Variants in TAOK3 observed in about 807,000 individuals in gnomAD.
The protein encoded by TAOK3 is TAO kinase 3, also known as serine/threonine-protein kinase TAO3.
A neutral mutation model predicts 120.4 loss-of-function variants in TAOK3; 40 were observed. That is an observed-to-expected ratio of 0.33 (90% CI 0.26 to 0.43). The LOEUF is 0.43. Ranked by LOEUF, TAOK3 falls within the 20% of genes least tolerant of loss-of-function variation. The pLI is 1.00. For missense variants in TAOK3, 821 were observed against 1,112.1 expected, an observed-to-expected ratio of 0.74 and a Z score of 3.72; for synonymous variants, 355 against 387.5, an observed-to-expected ratio of 0.92 and a Z score of 0.99.
intron 1 of TAOK3, among the ~76,000 whole-genome samples, chr12:118,281,185 A>G (rs1166040032): frequency 6.6e-6 from 1 of 152,000 alleles, no homozygotes; most frequent in Non-Finnish European, 1.5e-5. Flanking sequence ...GATACCTTTT[A>G]TTTCTTTCTT....
At chr12:118,162,172 G>A (rs1031369270) in intron 17 of TAOK3, 145 bp from the exon 18 acceptor site, 1 of 1,078,074 alleles carries the variant, frequency 9.3e-7, no homozygotes, top group Non-Finnish European at 1.3e-6. Context: ...AGGACTTAAT[G>A]AGATTAAATT....
chr12:118,247,384 A>G (rs1801004742), intron 3 of TAOK3, among the ~76,000 whole-genome samples: 1 of 152,084 alleles, frequency 6.6e-6, no homozygotes, highest in Admixed American at 6.6e-5. Context: ...TGTCTTCTCC[A>G]TACTCCAAAT....
At chr12:118,199,566 A>T in intron 12 of TAOK3, 1 of 371,424 alleles carries the variant, frequency 2.7e-6, no homozygotes, top group Non-Finnish European at 5.1e-6. Flanking sequence ...AAGCAAAATC[A>T]AGCCAGGTTT....
chr12:118,298,456 T>C (rs890962884), intron 1 of TAOK3, among the ~76,000 whole-genome samples: 6 of 152,216 alleles, frequency 3.9e-5, no homozygotes, highest in African/African-American at 1.4e-4. Flanking sequence ...CAGTAAGTGT[T>C]ATATTGTCAA....
intron 14 of TAOK3, among the ~76,000 whole-genome samples, chr12:118,183,645 C>T (rs1204577488): frequency 1.3e-5 from 2 of 151,954 alleles, no homozygotes; most frequent in Non-Finnish European, 2.9e-5. Flanking sequence ...TTCTGAAGTA[C>T]AACTTTAAGG....
intron 17 of TAOK3, among the ~76,000 whole-genome samples, chr12:118,169,589 G>A (rs1328244859): frequency 6.6e-6 from 1 of 152,096 alleles, no homozygotes; most frequent in East Asian, 1.9e-4. Context: ...GGGATTATAG[G>A]TATGAGCCAG....
intron 1 of TAOK3, among the ~76,000 whole-genome samples, chr12:118,357,349 G>C (rs540067876): frequency 6.6e-6 from 1 of 152,256 alleles, no homozygotes; most frequent in African/African-American, 2.4e-5. Flanking sequence ...TTTTTAACTG[G>C]AAAACAAAGC....
intron 3 of TAOK3, among the ~76,000 whole-genome samples, chr12:118,249,807 G>C (rs1332477706): frequency 6.6e-6 from 1 of 151,908 alleles, no homozygotes; most frequent in Non-Finnish European, 1.5e-5. Context: ...ACTCCAGCTT[G>C]GGTGACAGAG....
chr12:118,287,746 TACACACAG>T (rs1369875169), intron 1 of TAOK3, among the ~76,000 whole-genome samples: 23 of 152,204 alleles, frequency 1.5e-4, no homozygotes, highest in Middle Eastern at 3.4e-3. Context: ...GATACACACA[TACACACAG>T]ACACACAACA....
intron 14 of TAOK3, among the ~76,000 whole-genome samples, chr12:118,186,931 A>C (rs16948173): frequency 0.019 from 2,899 of 152,290 alleles, 96 homozygotes; most frequent in African/African-American, 0.066. Context: ...GGGCTTCTTC[A>C]TATACTTGTC....
intron 1 of TAOK3, among the ~76,000 whole-genome samples, chr12:118,348,726 A>T (rs2141197501): frequency 6.6e-6 from 1 of 152,276 alleles, no homozygotes; most frequent in Admixed American, 6.5e-5. Context: ...ATGGGATTAC[A>T]GGCGTGAGCC....
Position 118,219,782 on chromosome 12 carries a change from T to TC in TAOK3, c.644-5673_644-5672insG, listed in dbSNP as rs558907885. ...GCTACTTTTTTGGCTTTTTTTTTTT[T>TC]TTTTTTTTTTTTTTAGAGATGGGGT... is the stretch of plus-strand genomic sequence containing the variant. On this transcript the variant is annotated intron_variant, in intron 9 of 20. Coordinates refer to ENST00000392533, the MANE Select transcript of TAOK3 (RefSeq NM_016281.4). Among the ~76,000 whole-genome samples, 3 of 146,044 alleles carry TC rather than the reference T, an allele frequency of 2.1e-5. No individual in the cohort carries two copies. The South Asian group carries it at 6.7e-4, about 32-fold the overall frequency.
At chr12:118,245,767 T>TA (rs1467007197) in intron 3 of TAOK3, among the ~76,000 whole-genome samples, 1 of 152,146 alleles carries the variant, frequency 6.6e-6, no homozygotes, top group Non-Finnish European at 1.5e-5. Flanking sequence ...GATTGTAATA[T>TA]AAAAAATGAT....
intron 1 of TAOK3, among the ~76,000 whole-genome samples, chr12:118,284,055 T>A (rs2042182936): frequency 6.6e-6 from 1 of 152,158 alleles, no homozygotes; most frequent in Admixed American, 6.6e-5. Flanking sequence ...AATATTTTGT[T>A]TAAAAATATT....
At chr12:118,261,422 A>G (rs1378843710) in intron 2 of TAOK3, 2 of 152,238 alleles carry the variant, frequency 1.3e-5, no homozygotes, top group Admixed American at 1.3e-4. Flanking sequence ...GAAAATCATA[A>G]AAGTATCCAG....
intron 15 of TAOK3, among the ~76,000 whole-genome samples, chr12:118,179,562 C>G (rs61943538): frequency 5.3e-5 from 8 of 151,038 alleles, no homozygotes; most frequent in African/African-American, 1.7e-4. Flanking sequence ...CAAACCTGCA[C>G]GTTGTGCACA....
At chr12:118,197,699 T>C (rs2037798711) in intron 13 of TAOK3, among the ~76,000 whole-genome samples, 1 of 146,000 alleles carries the variant, frequency 6.8e-6, no homozygotes. Flanking sequence ...TTTTTTTTTT[T>C]TTTTTTGAGA....
At chr12:118,273,689 A>G (rs566437) in intron 1 of TAOK3, among the ~76,000 whole-genome samples, 81,724 of 150,866 alleles carry the variant, frequency 0.54, 22,810 homozygotes, top group African/African-American at 0.69. Flanking sequence ...GGTGGCGCAT[A>G]CCTATAATTC....
intron 8 of TAOK3, 43 bp downstream of exon 8, chr12:118,235,515 A>G (rs750437899): frequency 6.8e-7 from 1 of 1,471,076 alleles, no homozygotes; most frequent in Admixed American, 1.7e-5. Flanking sequence ...GAGTTCATGT[A>G]TGCAGATTTT....
Sources: allele counts gnomAD v4.1 joint callset (sites outside exome capture counted in the v4.1 genomes callset), GRCh38; gene constraint gnomAD v4.1.1; transcripts MANE v1.5; gene names NCBI Gene and HGNC (gene_info 2026-07-23, HGNC 2026-07-21).